The following ZFX variants were observed in gnomAD, a reference collection of about 807,000 sequenced individuals.
ZFX encodes zinc finger protein X-linked, also known as zinc finger X-chromosomal protein.
For synonymous variants in ZFX, 196 were observed against 226.8 expected (o/e 0.86, Z 1.22); for missense variants, 362 against 628.3 (o/e 0.58, Z 4.53).
chrX:24,197,466 G>A (rs758691160), intron 5 of ZFX, among the ~76,000 whole-genome samples: 2 of 111,863 alleles, frequency 1.8e-5, no homozygotes, highest in East Asian at 5.6e-4. Flanking sequence ...TATAGCCAAG[G>A]ACAGAGGGAT....
Position 24,163,530 on chromosome X carries a change from A to G in ZFX, c.-28-9185A>G, listed in dbSNP as rs1376136328. Among the ~76,000 whole-genome samples, 5 of 104,664 alleles carry G rather than the reference A, an allele frequency of 4.8e-5. No individual in the cohort carries two copies. In the East Asian group the frequency reaches 1.5e-3, roughly 31 times the overall value. 90.9% of individuals were successfully genotyped at this position (104,664 alleles called of 115,157 possible). On this transcript the variant is annotated intron_variant, in intron 3 of 9. Coordinates refer to ENST00000304543, the MANE Select transcript of ZFX (RefSeq NM_003410.4). ...GTAGCTGGGACTACAGGCGCGAGCA[A>G]CCACGCCCAGCTAAGTTTTGTATTT...
intron 3 of ZFX, among the ~76,000 whole-genome samples, chrX:24,161,488 A>G (rs1255834164): frequency 9.0e-6 from 1 of 111,455 alleles, no homozygotes; most frequent in Non-Finnish European, 1.9e-5. Flanking sequence ...ATATATCAAC[A>G]CTTATTATAA....
intron 3 of ZFX, among the ~76,000 whole-genome samples, chrX:24,161,249 A>G (rs1439528030): frequency 1.8e-5 from 2 of 112,505 alleles, no homozygotes; most frequent in Non-Finnish European, 3.8e-5. Context: ...AGAGATAACC[A>G]TGTTCATTGG....
At chrX:24,159,639 A>G (rs1328395626) in intron 3 of ZFX, among the ~76,000 whole-genome samples, 2 of 108,382 alleles carry the variant, frequency 1.8e-5, no homozygotes, top group African/African-American at 6.6e-5. Flanking sequence ...ATGCCTGGCT[A>G]ATTTTTGTAG....
chrX:24,174,232 A>C (rs999917516), intron 4 of ZFX, among the ~76,000 whole-genome samples: 2 of 110,215 alleles, frequency 1.8e-5, no homozygotes, highest in Non-Finnish European at 3.8e-5. Context: ...AAAAAATAAA[A>C]ATAAAAAATA....
chrX:24,199,166 G>A lies in ZFX; in HGVS notation c.647-8160G>A, dbSNP rs189915990. ...TGAGCATCTGTCAGATGCTGCCGCT[G>A]CAAGTCACACGAGGGCTGAGAATTG... On this transcript the variant is annotated intron_variant, in intron 5 of 9. Coordinates refer to ENST00000304543, the MANE Select transcript of ZFX (RefSeq NM_003410.4). 2.7e-4 allele frequency among the ~76,000 whole-genome samples: 30 copies of A among 111,554 alleles called. 1 individual carries two copies. In the East Asian group the frequency reaches 8.2e-3, roughly 30 times the overall value.
chrX:24,171,905 GGAGAGAGAGAGAGAGAGA>G (rs1213136127), intron 3 of ZFX, among the ~76,000 whole-genome samples: 1 of 41,899 alleles, frequency 2.4e-5, no homozygotes, highest in African/African-American at 7.8e-5. Context: ...AGAGAGAGAA[GGAGAGAGAGAGAGAGAGA>G]GAGAGAGAGA....
Position 24,158,383 on chromosome X carries a change from A to G in ZFX, c.-29+5553A>G, listed in dbSNP as rs143745207. 9.2e-3 allele frequency among the ~76,000 whole-genome samples: 1,024 copies of G among 111,270 alleles called. 11 individuals are homozygous for G. Among genetic ancestry groups the G allele is most frequent in the African/African-American group, 0.031 (946 of 30,605 alleles). ...AAACAAACCAAAAACAAAAAAACACAGTTCATAATTCTTTTGTATATAGTT... is the reference window on the plus strand; with the variant it reads ...AAACAAACCAAAAACAAAAAAACACGGTTCATAATTCTTTTGTATATAGTT... On this transcript the variant is annotated intron_variant, in intron 3 of 9. Coordinates refer to ENST00000304543, the MANE Select transcript of ZFX (RefSeq NM_003410.4).
chrX:24,199,026 C>T (rs1384708545), intron 5 of ZFX, among the ~76,000 whole-genome samples: 1 of 110,644 alleles, frequency 9.0e-6, no homozygotes, highest in Non-Finnish European at 1.9e-5. Context: ...CAGCATTAGG[C>T]GGTAAGAGGA....
intron 5 of ZFX, among the ~76,000 whole-genome samples, chrX:24,181,097 A>C (rs1354916441): frequency 1.8e-5 from 2 of 112,574 alleles, no homozygotes; most frequent in Non-Finnish European, 3.7e-5. Context: ...ACCTGTTTTC[A>C]TACAGGAATT....
chrX:24,174,296 A>G (rs1313792351), intron 4 of ZFX, among the ~76,000 whole-genome samples: 2 of 111,887 alleles, frequency 1.8e-5, no homozygotes, highest in African/African-American at 6.5e-5. Flanking sequence ...TAAAATGCTA[A>G]TAAGTTTTCC....
intron 5 of ZFX, among the ~76,000 whole-genome samples, chrX:24,185,482 G>A (rs749207251): frequency 9.0e-6 from 1 of 111,721 alleles, no homozygotes; most frequent in Non-Finnish European, 1.9e-5. Context: ...ACAGAGTCTT[G>A]CTCTGTCGCC....
chrX:24,159,985 TATAAA>T (rs1384589193), intron 3 of ZFX, among the ~76,000 whole-genome samples: 1 of 111,821 alleles, frequency 8.9e-6, no homozygotes, highest in Non-Finnish European at 1.9e-5. Flanking sequence ...AATGCATTAT[TATAAA>T]ATACAGATTT....
At chrX:24,163,507 A>G (rs1366019576) in intron 3 of ZFX, among the ~76,000 whole-genome samples, 1 of 101,368 alleles carries the variant, frequency 9.9e-6, no homozygotes, top group African/African-American at 3.6e-5. Flanking sequence ...CCTCCTGAGT[A>G]GCTGGGACTA....
rs149390246 is a variant in ZFX at position 24,194,746 on chromosome X, A to AT, written c.647-12562dup. Among the ~76,000 whole-genome samples, 414 of 102,248 alleles carry AT rather than the reference A, an allele frequency of 4.0e-3. 9 individuals carry two copies. Among genetic ancestry groups the AT allele is most frequent in the Admixed American group, 0.027 (252 of 9,375 alleles). 88.8% of individuals were successfully genotyped at this position (102,248 alleles called of 115,157 possible). A position where few individuals can be genotyped will look rare whatever the true frequency, so the allele number is the denominator to read the frequency against. On this transcript the variant is annotated intron_variant, in intron 5 of 9. Transcript: ENST00000304543. ...TATATCAATTAGCCTACAGTAAAAAATTTTTTTTTTTTTTTTTTGAGGCAG... is the reference window on the plus strand; with the variant it reads ...TATATCAATTAGCCTACAGTAAAAAATTTTTTTTTTTTTTTTTTTGAGGCAG...
At chrX:24,150,873 C>T (rs1020797843) in intron 1 of ZFX, 2 of 112,493 alleles carry the variant, frequency 1.8e-5, no homozygotes, top group African/African-American at 6.5e-5. Flanking sequence ...AAAAATTGCA[C>T]AACACGAGAG....
intron 9 of ZFX, among the ~76,000 whole-genome samples, chrX:24,209,600 A>C (rs1937906720): frequency 9.0e-6 from 1 of 111,401 alleles, no homozygotes; most frequent in Admixed American, 9.6e-5. Flanking sequence ...TTGAGGCAGA[A>C]TCTTGCTCTC....
intron 5 of ZFX, among the ~76,000 whole-genome samples, chrX:24,205,310 G>A (rs1484409732): frequency 1.8e-5 from 2 of 111,919 alleles, no homozygotes; most frequent in Admixed American, 1.9e-4. Flanking sequence ...CCAACTTTTT[G>A]TGATAAATTA....
At chrX:24,193,120 T>G (rs1411940528) in intron 5 of ZFX, among the ~76,000 whole-genome samples, 3 of 111,598 alleles carry the variant, frequency 2.7e-5, no homozygotes, top group African/African-American at 9.8e-5. Flanking sequence ...GAAAACATGT[T>G]CACACAAAAA....
Sources: allele counts gnomAD v4.1 joint callset (sites outside exome capture counted in the v4.1 genomes callset), GRCh38; gene constraint gnomAD v4.1.1; transcripts MANE v1.5; gene names NCBI Gene and HGNC (gene_info 2026-07-23, HGNC 2026-07-21).